SEMA4D: variants seen among roughly 807,000 people sequenced by gnomAD.
SEMA4D encodes semaphorin 4D.
SEMA4D carries 22 observed loss-of-function variants against 74.8 expected under a neutral mutation model. That is an observed-to-expected ratio of 0.29 (90% CI 0.21 to 0.42). SEMA4D has a LOEUF of 0.42. Among genes scored for constraint, SEMA4D ranks in the 10% least tolerant of loss-of-function variants. The pLI, the probability that SEMA4D is intolerant of heterozygous loss-of-function variation, is 1.00. For synonymous variants in SEMA4D, 445 were observed against 463.7 expected, an observed-to-expected ratio of 0.96 and a Z score of 0.52; for missense variants, 937 against 1,118.4, an observed-to-expected ratio of 0.84 and a Z score of 2.31.
chr9:89,388,492 G>C (rs946961545), intron 11 of SEMA4D, 144 bp downstream of exon 11: 7 of 911,596 alleles, frequency 7.7e-6, no homozygotes, highest in Admixed American at 3.4e-5. Context: ...GATGAGCTGT[G>C]CTCATCGGCC....
rs58221985 is a variant in SEMA4D, at chr9:89,468,503, A to G, written c.-309-12550T>C. On this transcript the variant is annotated intron_variant, in intron 1 of 15. Coordinates refer to ENST00000422704, the MANE Select transcript of SEMA4D (RefSeq NM_001371194.2). The stretch of plus-strand genomic sequence containing the variant: ...CTCACCAAATAAAAAGTGACGGCAA[A>G]GCAATCTCTGCTTAAACATCACTCT... Among the ~76,000 whole-genome samples the G allele has an allele frequency of 1.3e-3, 192 of 152,362 alleles. 5 individuals are homozygous for G. In the East Asian group the frequency reaches 0.034, roughly 27 times the overall value.
chr9:89,368,907 G>T (rs1834107876), intron 16 of SEMA4D: 3 of 152,262 alleles, frequency 2.0e-5, no homozygotes, highest in Admixed American at 2.0e-4. Context: ...TGGGGGGCCT[G>T]TGGGAAGGCA....
At chr9:89,388,558 G>A in intron 11 of SEMA4D, 78 bp downstream of exon 11, 1 of 1,513,822 alleles carries the variant, frequency 6.6e-7, no homozygotes, top group South Asian at 1.2e-5. Flanking sequence ...CCCATGAGCA[G>A]GCCCCAGTGC....
At chr9:89,419,937 T>A (rs1295421020) in intron 2 of SEMA4D, among the ~76,000 whole-genome samples, 1 of 152,110 alleles carries the variant, frequency 6.6e-6, no homozygotes, top group African/African-American at 2.4e-5. Flanking sequence ...AAAAAACACC[T>A]GAAAAACTTC....
chr9:89,375,473 G>A (rs1009361303), downstream of SEMA4D, among the ~76,000 whole-genome samples: 4 of 152,222 alleles, frequency 2.6e-5, no homozygotes, highest in Admixed American at 2.0e-4. Context: ...TCTGGCCTCA[G>A]CAGACATGGG....
intron 16 of SEMA4D, chr9:89,369,633 G>C (rs61164108): frequency 6.6e-6 from 1 of 152,228 alleles, no homozygotes; most frequent in Non-Finnish European, 1.5e-5. Flanking sequence ...TGCCAGATGC[G>C]CTATGTGCTG....
intron 17 of SEMA4D, chr9:89,363,691 G>C: frequency 6.3e-7 from 1 of 1,597,562 alleles, no homozygotes. Flanking sequence ...ATTGTAAATA[G>C]TGAAAAATTA....
chr9:89,424,447 C>T (rs566691234), intron 2 of SEMA4D, among the ~76,000 whole-genome samples: 67 of 152,298 alleles, frequency 4.4e-4, no homozygotes, highest in Non-Finnish European at 6.9e-4. Context: ...CTAAAGCCCA[C>T]GACCACAACA....
chr9:89,472,647 G>T, intron 1 of SEMA4D: 1 of 176,862 alleles, frequency 5.7e-6, no homozygotes, highest in South Asian at 1.1e-4. Flanking sequence ...GATGTCTATG[G>T]AATATATGAA....
At position 89,484,141 on chromosome 9, in the gene SEMA4D, C is replaced by T. The variant is rs537904233; in HGVS notation, c.-310+13778G>A. Among the ~76,000 whole-genome samples the T allele has an allele frequency of 2.6e-4, 40 of 152,368 alleles. No homozygotes were observed. Among genetic ancestry groups the T allele is most frequent in the Admixed American group, 1.3e-3 (20 of 15,308 alleles). ...GGAACTGGAGCCTTAAAGAGGACGC[C>T]GCGGCCACCCCGCCCTGCAGGCCCA... On this transcript the variant is annotated intron_variant, in intron 1 of 15. Coordinates refer to ENST00000422704, the MANE Select transcript of SEMA4D (RefSeq NM_001371194.2). The surrounding 1 kb of genome is among the most constrained non-coding windows in gnomAD (Gnocchi z 4.1).
chr9:89,467,848 G>C (rs1471432433), intron 1 of SEMA4D, among the ~76,000 whole-genome samples: 2 of 152,142 alleles, frequency 1.3e-5, no homozygotes, highest in African/African-American at 2.4e-5. Context: ...CTTATAAATT[G>C]CTGCAAGGAT....
At chr9:89,411,166 C>G (rs1844452859) in intron 2 of SEMA4D, among the ~76,000 whole-genome samples, 1 of 152,214 alleles carries the variant, frequency 6.6e-6, no homozygotes, top group South Asian at 2.1e-4. Context: ...CTGATTGCAT[C>G]TGTGGCTTTG....
At chr9:89,483,103 C>G (rs1588182741) in intron 1 of SEMA4D, among the ~76,000 whole-genome samples, 1 of 152,336 alleles carries the variant, frequency 6.6e-6, no homozygotes, top group East Asian at 1.9e-4. Flanking sequence ...AAACCAAGCC[C>G]TGCTCCAACC....
chr9:89,416,994 G>T (rs1281857845), intron 2 of SEMA4D, among the ~76,000 whole-genome samples: 1 of 151,934 alleles, frequency 6.6e-6, no homozygotes, highest in Non-Finnish European at 1.5e-5. Context: ...CGTGCTTTTT[G>T]TGACAGCAAA....
intron 2 of SEMA4D, among the ~76,000 whole-genome samples, chr9:89,419,167 G>C (rs1007566946): frequency 6.6e-6 from 1 of 152,154 alleles, no homozygotes; most frequent in Admixed American, 6.5e-5. Flanking sequence ...CAAATGAACC[G>C]CGAGGGCAGT....
At chr9:89,399,400 A>C (rs1200074541) in intron 4 of SEMA4D, 62 bp from the exon 5 acceptor site, 1 of 1,232,874 alleles carries the variant, frequency 8.1e-7, no homozygotes, top group Non-Finnish European at 1.2e-6. Flanking sequence ...ATAAAAATGC[A>C]CAATTTTAAA....
chr9:89,387,647 C>T, intron 11 of SEMA4D, 39 bp from the exon 12 acceptor site: 1 of 1,588,434 alleles, frequency 6.3e-7, no homozygotes, highest in Non-Finnish European at 8.6e-7. Flanking sequence ...GTGCTCGTGT[C>T]CCACCACGCA....
chr9:89,380,300 T>C (rs1213519241), intron 15 of SEMA4D, among the ~76,000 whole-genome samples: 1 of 152,166 alleles, frequency 6.6e-6, no homozygotes, highest in Non-Finnish European at 1.5e-5. Flanking sequence ...CCCAAAATGC[T>C]GGGATTACAG....
chr9:89,363,392 T>G, intron 18 of SEMA4D: 2 of 1,603,886 alleles, frequency 1.2e-6, no homozygotes, highest in South Asian at 1.1e-5. Context: ...TGCCCCTGGC[T>G]CCAGCCCTCC....
Sources: allele counts gnomAD v4.1 joint callset (sites outside exome capture counted in the v4.1 genomes callset), GRCh38; gene constraint gnomAD v4.1.1; non-coding constraint Gnocchi (gnomAD v3.1); transcripts MANE v1.5; gene names NCBI Gene and HGNC (gene_info 2026-07-23, HGNC 2026-07-21).